The following DEPDC5 variants were observed in gnomAD, a reference collection of about 807,000 sequenced individuals.
The protein encoded by DEPDC5 is DEP domain containing 5, GATOR1 subcomplex subunit.
In DEPDC5, 73 loss-of-function variants were observed where a neutral mutation model predicts 217.3. That is an observed-to-expected ratio of 0.34 (90% CI 0.28 to 0.41). DEPDC5 has a LOEUF of 0.41. DEPDC5 is among the 10% of genes least tolerant of loss of function. The pLI is 1.00. For synonymous variants in DEPDC5, 733 were observed against 756.7 expected, an observed-to-expected ratio of 0.97 and a Z score of 0.51; for missense variants, 1,675 against 2,070.1, an observed-to-expected ratio of 0.81 and a Z score of 3.70.
chr22:31,866,085 G>T (rs1412101548), intron 33 of DEPDC5, among the ~76,000 whole-genome samples: 2 of 152,176 alleles, frequency 1.3e-5, no homozygotes, highest in Non-Finnish European at 2.9e-5. Context: ...ACAAGCCCAC[G>T]AGGTGGAAGG....
rs1342670505 is a variant in DEPDC5, at chr22:31,778,186, C to T, written c.483+18C>T. ...ATACCAGGGTAAGATTTATAAAATGCTTTTTTGGTTTTATCTCTCCATACT... is the reference window on the plus strand; with the variant it reads ...ATACCAGGGTAAGATTTATAAAATGTTTTTTTGGTTTTATCTCTCCATACT... On this transcript the variant is annotated intron_variant, in intron 8 of 42. Transcript: ENST00000651528. The T allele has an allele frequency of 5.6e-6, 9 of 1,612,810 alleles. No homozygotes were observed. The highest frequency in any genetic ancestry group is 2.7e-5 in the African/African-American group (2 of 74,990).
intron 12 of DEPDC5, among the ~76,000 whole-genome samples, chr22:31,793,430 T>A (rs1381469237): frequency 6.6e-6 from 1 of 152,084 alleles, no homozygotes; most frequent in African/African-American, 2.4e-5. Flanking sequence ...CAGTTATTAT[T>A]TTGTCATATT....
Position 31,821,392 on chromosome 22 carries a change from A to G in DEPDC5, c.1871-110A>G, listed in dbSNP as rs762601049. 2.0e-4 allele frequency: 286 copies of G among 1,459,302 alleles called. No individual in the cohort carries two copies. The highest frequency in any genetic ancestry group is 2.4e-4 in the Non-Finnish European group (257 of 1,060,620). The allele number at this position is 1,459,302 out of a possible 1,614,324, so 90.4% of individuals were successfully genotyped here. ...CCCTCTGTGGTGTGTTCTTCTTTCA[A>G]TCTCACCAACATCTGTATCCCAGTA... On this transcript the variant is annotated intron_variant, in intron 22 of 42. Coordinates refer to ENST00000651528, the MANE Select transcript of DEPDC5 (RefSeq NM_001242896.3).
chr22:31,857,448 C>T lies in DEPDC5; in HGVS notation c.3159C>T (p.Cys1053=), dbSNP rs1162414657. The T allele has an allele frequency of 1.2e-6, 2 of 1,604,218 alleles. No individual in the cohort carries two copies. Among genetic ancestry groups the T allele is most frequent in the Non-Finnish European group, 1.7e-6 (2 of 1,175,450 alleles). ...ALLEMEASQK[C]LGEQQAAVHG... ...CATGTGCTTTTCCTCCTTTCAGGTG[C>T]CTGGGAGAACAGCAGGCAGCTGTGC... The change falls in exon 32 of 43, where the codon TGC becomes TGT. Residue 1053 remains cysteine (C), a synonymous_variant. Transcript: ENST00000651528.
At position 31,843,810 on chromosome 22, in the gene DEPDC5, C is replaced by A; in HGVS notation, c.2799C>A (p.Phe933Leu). ...QYICSAGSED[F>L]SLIESLKFWR... The stretch of plus-strand genomic sequence containing the variant: ...TCTGTTCTGCCGGCTCTGAAGACTT[C>A]AGGTCAGAGAGTGGGCTTTGGATTT... The change falls in exon 29 of 43, where the codon TTC becomes TTA. Residue 933 changes from phenylalanine (F) to leucine (L), a missense_variant and splice_region_variant. By Grantham distance (22) the Phe-to-Leu change is conservative. This residue lies in a region of DEPDC5 where 293 missense variants were observed against 386.1 expected (regional missense o/e 0.76). Transcript: ENST00000651528. 1 of 1,594,584 alleles carries A rather than the reference C, an allele frequency of 6.3e-7. No homozygotes were observed. The highest frequency in any genetic ancestry group is 8.6e-7 in the Non-Finnish European group (1 of 1,163,918).
At chr22:31,847,091 TTTATGTGAA>T in intron 31 of DEPDC5, 124 bp downstream of exon 31, 1 of 1,399,638 alleles carries the variant, frequency 7.1e-7, no homozygotes, top group Non-Finnish European at 9.7e-7. Flanking sequence ...GGAGAAGGCA[TTTATGTGAA>T]AAGGAAGGCT....
intron 13 of DEPDC5, 131 bp downstream of exon 13, chr22:31,797,834 G>A: frequency 1.4e-6 from 1 of 702,262 alleles, no homozygotes; most frequent in East Asian, 2.7e-5. Flanking sequence ...TCAGGGTTCT[G>A]TTTCCAGTTG....
At chr22:31,818,737 C>G (rs574993702) in intron 21 of DEPDC5, among the ~76,000 whole-genome samples, 46 of 152,328 alleles carry the variant, frequency 3.0e-4, no homozygotes, top group Admixed American at 1.7e-3. Context: ...GCTTCCAGCT[C>G]AAAGTTCAGG....
At chr22:31,781,216 C>CAAAA (rs1243159443) in intron 8 of DEPDC5, among the ~76,000 whole-genome samples, 1 of 97,878 alleles carries the variant, frequency 1.0e-5, no homozygotes, top group African/African-American at 3.9e-5. Flanking sequence ...AACTCGGTCT[C>CAAAA]AAAAACAAAC....
chr22:31,800,975 C>CA (rs968488640), intron 14 of DEPDC5, among the ~76,000 whole-genome samples: 17 of 146,048 alleles, frequency 1.2e-4, no homozygotes, highest in African/African-American at 2.3e-4. Flanking sequence ...GACACTATCT[C>CA]AAAAAAAAAT....
chr22:31,768,918 A>G, intron 7 of DEPDC5, 55 bp downstream of exon 7: 1 of 1,591,700 alleles, frequency 6.3e-7, no homozygotes, highest in Non-Finnish European at 8.6e-7. Flanking sequence ...TACATAAAGC[A>G]GTGGAGGCGT....
chr22:31,780,857 A>G (rs548770719), intron 8 of DEPDC5, among the ~76,000 whole-genome samples: 1 of 152,162 alleles, frequency 6.6e-6, no homozygotes, highest in Non-Finnish European at 1.5e-5. Flanking sequence ...TGGCATGTCT[A>G]CTGGCACCTA....
intron 29 of DEPDC5, among the ~76,000 whole-genome samples, 195 bp downstream of exon 29, chr22:31,844,007 C>G (rs1464308257): frequency 2.6e-5 from 4 of 151,958 alleles, no homozygotes; most frequent in Non-Finnish European, 5.9e-5. Context: ...TGGCAGATCA[C>G]CTGAGGTCAG....
chr22:31,791,310 A>G (rs143379297), intron 10 of DEPDC5, among the ~76,000 whole-genome samples: 1 of 152,186 alleles, frequency 6.6e-6, no homozygotes, highest in East Asian at 1.9e-4. Flanking sequence ...ACCTGAAGCT[A>G]TTCAATACTG....
chr22:31,889,087 C>G (rs75571989), intron 38 of DEPDC5, among the ~76,000 whole-genome samples: 3,315 of 152,298 alleles, frequency 0.022, 118 homozygotes, highest in Admixed American at 0.084. Context: ...TTCTCCTCTG[C>G]TGACACTGTC....
Position 31,805,697 on chromosome 22 carries a change from C to T in DEPDC5, c.1218-425C>T, listed in dbSNP as rs2087437351. Among the ~76,000 whole-genome samples, 3 of 152,082 alleles carry T rather than the reference C, an allele frequency of 2.0e-5. No individual in the cohort carries two copies. In the South Asian group the frequency reaches 6.2e-4, roughly 32 times the overall value. ...TGTATTTTTAGTAGAAACGAGATTT[C>T]ACTGTGTTGGCCAACCTGGTCTTGA... On this transcript the variant is annotated intron_variant, in intron 17 of 42. Transcript: ENST00000651528.
chr22:31,797,828 G>A (rs1028478295), intron 13 of DEPDC5, 125 bp downstream of exon 13: 2 of 747,438 alleles, frequency 2.7e-6, no homozygotes, highest in African/African-American at 1.7e-5. Flanking sequence ...TTTTGGTCAG[G>A]GTTCTGTTTC....
rs1396898151 is a variant in DEPDC5, at chr22:31,804,225, T to C, written c.1143+2T>C. 6.2e-7 allele frequency: 1 copy of C among 1,614,108 alleles called. No individual in the cohort carries two copies. The highest frequency in any genetic ancestry group is 8.5e-7 in the Non-Finnish European group (1 of 1,179,988). On this transcript the variant is annotated splice_donor_variant, in intron 16 of 42. Transcript: ENST00000651528. LOFTEE classifies it high-confidence loss of function. ...TTACATGCTGTCCCATTGTTCAAGG[T>C]AATTAGATTTCGGATTTGTTTACTA...
chr22:31,774,702 G>C (rs1021438044), intron 7 of DEPDC5, among the ~76,000 whole-genome samples: 8 of 152,054 alleles, frequency 5.3e-5, no homozygotes, highest in Non-Finnish European at 8.8e-5. Context: ...AATTAGCTGG[G>C]TGTGGCTGCT....
Sources: gnomAD v4.1 joint callset for allele counts (sites outside exome capture counted in the v4.1 genomes callset) on GRCh38, gnomAD v4.1.1 for gene constraint, gnomAD v4.1.1 regional missense constraint, MANE v1.5 for transcripts, NCBI Gene and HGNC (gene_info 2026-07-23, HGNC 2026-07-21) for gene names.